PPFIA2: variants seen among roughly 807,000 people sequenced by gnomAD.
PPFIA2 encodes liprin-alpha-2.
Under a neutral mutation model 175.5 loss-of-function variants are expected in PPFIA2, and 46 were observed. The ratio of observed to expected loss-of-function variants is 0.26; its 90% CI spans 0.21 to 0.34. The LOEUF (loss-of-function observed/expected upper bound fraction) is 0.34, where lower values mean the gene tolerates loss of function less well. PPFIA2 is among the 10% of genes least tolerant of loss of function. The probability of loss-of-function intolerance (pLI) is 1.00; values close to 1 mark genes in which losing one functional copy is unlikely to be tolerated. For missense variants in PPFIA2, 1,179 were observed against 1,506.1 expected, an observed-to-expected ratio of 0.78 and a Z score of 3.60; for synonymous variants, 568 against 511.4, an observed-to-expected ratio of 1.11 and a Z score of -1.49.
intron 3 of PPFIA2, among the ~76,000 whole-genome samples, chr12:81,733,681 C>T (rs937352838): frequency 2.0e-5 from 3 of 151,672 alleles, no homozygotes; most frequent in Admixed American, 6.6e-5. Flanking sequence ...TCAACAGATG[C>T]TTCTTCCTAT....
intron 17 of PPFIA2, 97 bp from the exon 18 acceptor site, chr12:81,347,867 A>C (rs1372033430): frequency 1.4e-6 from 2 of 1,472,192 alleles, no homozygotes; most frequent in Non-Finnish European, 1.8e-6. Context: ...ATAAATCAGT[A>C]GAAACTATTC....
intron 8 of PPFIA2, among the ~76,000 whole-genome samples, chr12:81,404,042 T>G (rs968245555): frequency 6.6e-6 from 1 of 152,112 alleles, no homozygotes; most frequent in African/African-American, 2.4e-5. Context: ...ATTTCTTTCT[T>G]CTGAGAAAAC....
chr12:81,649,731 A>T (rs1435154753), intron 4 of PPFIA2, among the ~76,000 whole-genome samples: 1 of 152,220 alleles, frequency 6.6e-6, no homozygotes, highest in African/African-American at 2.4e-5. Context: ...ACTATTTTAC[A>T]CTACTGATAC....
intron 4 of PPFIA2, among the ~76,000 whole-genome samples, chr12:81,633,722 G>A (rs1427831714): frequency 6.6e-6 from 1 of 152,058 alleles, no homozygotes; most frequent in East Asian, 1.9e-4. Context: ...GGATAATTAA[G>A]TAGATAATGA....
intron 7 of PPFIA2, among the ~76,000 whole-genome samples, chr12:81,438,341 G>C (rs1047370448): frequency 2.0e-5 from 3 of 152,114 alleles, no homozygotes; most frequent in African/African-American, 7.2e-5. Flanking sequence ...GGTGGCACAT[G>C]CCCGTAATCC....
At chr12:81,650,843 A>C (rs2066919506) in intron 4 of PPFIA2, among the ~76,000 whole-genome samples, 1 of 152,208 alleles carries the variant, frequency 6.6e-6, no homozygotes, top group Non-Finnish European at 1.5e-5. Flanking sequence ...GAAGAGAAAC[A>C]TATGGCCAAA....
chr12:81,567,579 A>T (rs932633361), intron 4 of PPFIA2, among the ~76,000 whole-genome samples: 3 of 152,172 alleles, frequency 2.0e-5, no homozygotes, highest in African/African-American at 7.2e-5. Context: ...GAGTCCAATC[A>T]CTTGGCCAAT....
At chr12:81,435,761 C>A (rs1230634238) in intron 7 of PPFIA2, among the ~76,000 whole-genome samples, 1 of 146,308 alleles carries the variant, frequency 6.8e-6, no homozygotes, top group African/African-American at 2.4e-5. Flanking sequence ...TAAATCTCTT[C>A]TCTTAATTAT....
chr12:81,553,150 T>C (rs1211609470), intron 4 of PPFIA2, among the ~76,000 whole-genome samples: 2 of 151,976 alleles, frequency 1.3e-5, no homozygotes, highest in Non-Finnish European at 2.9e-5. Context: ...GAAGGTATCT[T>C]AGGCGAGCTG....
chr12:81,268,371 C>T (rs1196974373), intron 28 of PPFIA2, among the ~76,000 whole-genome samples: 2 of 151,738 alleles, frequency 1.3e-5, no homozygotes, highest in African/African-American at 4.8e-5. Flanking sequence ...ATCTCCTGAC[C>T]TCGTGATCCG....
At chr12:81,324,776 CA>C (rs2054391919) in intron 22 of PPFIA2, among the ~76,000 whole-genome samples, 1 of 151,742 alleles carries the variant, frequency 6.6e-6, no homozygotes, top group African/African-American at 2.4e-5. Context: ...TTCTCAAAGT[CA>C]TTTTTTTCTG....
intron 3 of PPFIA2, among the ~76,000 whole-genome samples, chr12:81,744,525 C>T (rs113150941): frequency 0.054 from 8,128 of 150,734 alleles, 285 homozygotes; most frequent in Middle Eastern, 0.087. Flanking sequence ...CGGGTTCAAG[C>T]GATTCTCCTG....
At chr12:81,542,658 C>T (rs1311609900) in intron 4 of PPFIA2, among the ~76,000 whole-genome samples, 2 of 152,118 alleles carry the variant, frequency 1.3e-5, no homozygotes, top group East Asian at 3.9e-4. Context: ...GGCTCCTGAC[C>T]TCTTTTCTAA....
chr12:81,314,535 A>G (rs1018640761), intron 22 of PPFIA2, among the ~76,000 whole-genome samples: 2 of 151,880 alleles, frequency 1.3e-5, no homozygotes, highest in Non-Finnish European at 3.0e-5. Context: ...TTCCTTGCCA[A>G]CATCAGCATA....
At chr12:81,679,260 C>A (rs930740414) in intron 3 of PPFIA2, among the ~76,000 whole-genome samples, 1 of 151,426 alleles carries the variant, frequency 6.6e-6, no homozygotes, top group Non-Finnish European at 1.5e-5. Context: ...ATGTTATTTC[C>A]AATTATACTT....
At chr12:81,665,702 A>G (rs2070070504) in intron 4 of PPFIA2, among the ~76,000 whole-genome samples, 1 of 152,024 alleles carries the variant, frequency 6.6e-6, no homozygotes, top group African/African-American at 2.4e-5. Context: ...CATCATAATC[A>G]CATGGTTTAA....
intron 13 of PPFIA2, chr12:81,368,206 A>G: frequency 4.1e-6 from 5 of 1,229,282 alleles, no homozygotes; most frequent in Non-Finnish European, 5.3e-6. Context: ...CACATTGCAG[A>G]CTGTACAGAA....
intron 4 of PPFIA2, among the ~76,000 whole-genome samples, chr12:81,665,614 T>C (rs567331590): frequency 6.6e-6 from 1 of 152,186 alleles, no homozygotes; most frequent in African/African-American, 2.4e-5. Context: ...AGAGAGGACT[T>C]GCGTTTGCCA....
chr12:81,532,596 T>C (rs2064751263), intron 4 of PPFIA2, among the ~76,000 whole-genome samples: 1 of 151,782 alleles, frequency 6.6e-6, no homozygotes, highest in South Asian at 2.1e-4. Context: ...GTTAGAAATC[T>C]TTTACTCTAC....
Sources: allele counts gnomAD v4.1 joint callset (sites outside exome capture counted in the v4.1 genomes callset), GRCh38; gene constraint gnomAD v4.1.1; transcripts MANE v1.5; gene names NCBI Gene and HGNC (gene_info 2026-07-23, HGNC 2026-07-21).